The following EHBP1 variants were observed in gnomAD, a reference collection of about 807,000 sequenced individuals.
The protein encoded by EHBP1 is EH domain binding protein 1, also known as EH domain-binding protein 1.
EHBP1 carries 55 observed loss-of-function variants against 144.0 expected under a neutral mutation model. That is an observed-to-expected ratio of 0.38 (90% CI 0.31 to 0.48). The LOEUF (loss-of-function observed/expected upper bound fraction) is 0.48. Among genes scored for constraint, EHBP1 ranks in the 20% least tolerant of loss-of-function variants. The probability of loss-of-function intolerance (pLI) is 0.98; values close to 1 mark genes in which losing one functional copy is unlikely to be tolerated. For missense variants in EHBP1, 1,200 were observed against 1,364.2 expected (o/e 0.88, Z 1.90); for synonymous variants, 469 against 472.7 (o/e 0.99, Z 0.10).
At chr2:62,860,803 TGG>T (rs2049463360) in intron 8 of EHBP1, among the ~76,000 whole-genome samples, 1 of 152,068 alleles carries the variant, frequency 6.6e-6, no homozygotes. Context: ...TAAAAGAGAG[TGG>T]CAGACAACAC....
chr2:62,921,384 G>T (rs899230234), intron 10 of EHBP1, among the ~76,000 whole-genome samples: 4 of 151,938 alleles, frequency 2.6e-5, no homozygotes, highest in African/African-American at 9.7e-5. Flanking sequence ...GGCAGAGGTT[G>T]CAGTGAGCCA....
At chr2:62,985,829 A>G (rs2059164274) in intron 15 of EHBP1, among the ~76,000 whole-genome samples, 1 of 152,158 alleles carries the variant, frequency 6.6e-6, no homozygotes, top group African/African-American at 2.4e-5. Flanking sequence ...TATCTTTTGA[A>G]TTTGCTCTGT....
intron 21 of EHBP1, among the ~76,000 whole-genome samples, chr2:63,043,478 T>C (rs2061765489): frequency 6.6e-6 from 1 of 152,198 alleles, no homozygotes; most frequent in South Asian, 2.1e-4. Flanking sequence ...CATATAAATA[T>C]GTATGTATGT....
intron 2 of EHBP1, among the ~76,000 whole-genome samples, chr2:62,729,839 C>T (rs994237814): frequency 2.6e-5 from 4 of 151,574 alleles, no homozygotes; most frequent in Non-Finnish European, 4.4e-5. Flanking sequence ...GCCTGTTTCC[C>T]CACAGCCTCG....
chr2:62,755,107 G>C (rs1476843130), intron 3 of EHBP1, among the ~76,000 whole-genome samples: 4 of 152,222 alleles, frequency 2.6e-5, no homozygotes, highest in Non-Finnish European at 5.9e-5. Context: ...GACTGGAGCT[G>C]TTCCTATTTG....
Position 63,008,864 on chromosome 2 carries a change from A to C in EHBP1, c.3103+12098A>C, listed in dbSNP as rs76282275. ...CTGTGATCTAAGTGTTGAATGAATA[A>C]GCCCATTAAAACTAAAAAATTAATT... On this transcript the variant is annotated intron_variant, in intron 19 of 22. Transcript: ENST00000431489. Among the ~76,000 whole-genome samples the C allele has an allele frequency of 3.1e-3, 474 of 151,768 alleles. 3 individuals are homozygous for C. The highest frequency in any genetic ancestry group is 0.011 in the African/African-American group (440 of 41,536).
intron 5 of EHBP1, among the ~76,000 whole-genome samples, chr2:62,781,639 G>C (rs1415520355): frequency 6.6e-6 from 1 of 152,182 alleles, no homozygotes. Flanking sequence ...AGCTTGAGCA[G>C]AGGTCTGGAG....
intron 8 of EHBP1, among the ~76,000 whole-genome samples, chr2:62,863,841 T>TTTG (rs1405520302): frequency 2.9e-5 from 2 of 68,886 alleles, no homozygotes; most frequent in Non-Finnish European, 6.8e-5. Flanking sequence ...TTCTGTGTTG[T>TTTG]TTTTTTTTTT....
chr2:62,894,927 A>AAGAGAGAGAGAGAGAGAGAGAGAGAGAG (rs57403564), intron 10 of EHBP1, among the ~76,000 whole-genome samples: 1 of 141,220 alleles, frequency 7.1e-6, no homozygotes, highest in African/African-American at 2.7e-5. Flanking sequence ...AACAGAAAGA[A>AAGAGAGAGAGAGAGAGAGAGAGAGAGAG]AGAGAGAGAG....
intron 10 of EHBP1, among the ~76,000 whole-genome samples, chr2:62,893,619 GAAAT>G (rs1419747179): frequency 6.6e-6 from 1 of 152,132 alleles, no homozygotes; most frequent in Non-Finnish European, 1.5e-5. Flanking sequence ...GTTTAGGTGA[GAAAT>G]AAACTAATTC....
At chr2:62,942,993 A>C (rs112011560) in intron 11 of EHBP1, 97 bp downstream of exon 11, 27 of 979,264 alleles carry the variant, frequency 2.8e-5, no homozygotes, top group Non-Finnish European at 3.8e-5. Context: ...GAAATAATTT[A>C]TATTTGTTTT....
chr2:62,710,649 C>T (rs2035059429), intron 2 of EHBP1, among the ~76,000 whole-genome samples: 1 of 151,984 alleles, frequency 6.6e-6, no homozygotes, highest in African/African-American at 2.4e-5. Context: ...ACATCTTTGC[C>T]AACCTTGTGA....
chr2:62,898,714 G>C (rs1440173651), intron 10 of EHBP1, among the ~76,000 whole-genome samples: 3 of 152,078 alleles, frequency 2.0e-5, no homozygotes, highest in Non-Finnish European at 4.4e-5. Flanking sequence ...TAATTGTTGG[G>C]TGGATGGATA....
At chr2:63,014,897 G>A (rs1022544515) in intron 19 of EHBP1, among the ~76,000 whole-genome samples, 4 of 152,188 alleles carry the variant, frequency 2.6e-5, no homozygotes, top group African/African-American at 9.7e-5. Context: ...AGAATCGCTT[G>A]AGCCCGGGAG....
At chr2:62,901,554 A>G in intron 10 of EHBP1, among the ~76,000 whole-genome samples, 1 of 151,912 alleles carries the variant, frequency 6.6e-6, no homozygotes, top group Non-Finnish European at 1.5e-5. Flanking sequence ...TAGAGGAAAC[A>G]AAAAAAAGGG....
chr2:62,820,780 A>G (rs1394996366), intron 5 of EHBP1, among the ~76,000 whole-genome samples: 2 of 119,080 alleles, frequency 1.7e-5, no homozygotes, highest in Non-Finnish European at 3.5e-5. Flanking sequence ...ATATATATAT[A>G]TGCACATCTA....
At chr2:62,960,113 T>C (rs1307283573) in intron 14 of EHBP1, among the ~76,000 whole-genome samples, 1 of 152,156 alleles carries the variant, frequency 6.6e-6, no homozygotes, top group African/African-American at 2.4e-5. Flanking sequence ...AAAGAAGAGA[T>C]AACTGGGAAA....
intron 19 of EHBP1, among the ~76,000 whole-genome samples, chr2:63,000,317 G>T (rs1002012014): frequency 3.9e-5 from 6 of 151,998 alleles, no homozygotes; most frequent in Non-Finnish European, 2.9e-5. Flanking sequence ...TTCTAAAATT[G>T]TTCAGTAATC....
chr2:62,856,438 C>T (rs1239434582), intron 7 of EHBP1, among the ~76,000 whole-genome samples: 1 of 152,186 alleles, frequency 6.6e-6, no homozygotes, highest in African/African-American at 2.4e-5. Context: ...GGTGCCTATG[C>T]CACACATGGA....
Sources: allele counts gnomAD v4.1 joint callset (sites outside exome capture counted in the v4.1 genomes callset), GRCh38; gene constraint gnomAD v4.1.1; transcripts MANE v1.5; gene names NCBI Gene and HGNC (gene_info 2026-07-23, HGNC 2026-07-21).